SLC2A5: variants seen among roughly 807,000 people sequenced by gnomAD.
The protein encoded by SLC2A5 is solute carrier family 2 member 5, also known as solute carrier family 2, facilitated glucose transporter member 5.
Under a neutral mutation model 50.3 loss-of-function variants are expected in SLC2A5, and 56 were observed. The ratio of observed to expected loss-of-function variants is 1.11; its 90% CI spans 0.90 to 1.39. The LOEUF (loss-of-function observed/expected upper bound fraction) is 1.39, where lower values mean the gene tolerates loss of function less well. Ranked by LOEUF, SLC2A5 falls within the 40% of genes most tolerant of loss-of-function variation. SLC2A5 has a pLI of 0.00. For synonymous variants in SLC2A5, 269 were observed against 281.9 expected (o/e 0.95, Z 0.46); for missense variants, 566 against 650.1 (o/e 0.87, Z 1.41).
intron 2 of SLC2A5, among the ~76,000 whole-genome samples, chr1:9,077,333 A>G (rs945202123): frequency 2.7e-5 from 4 of 146,634 alleles, no homozygotes; most frequent in African/African-American, 1.0e-4. Context: ...TGGGAGGTGG[A>G]GGTTGCAGTG....
At chr1:9,060,329 C>T (rs928142067) in intron 1 of SLC2A5, among the ~76,000 whole-genome samples, 2 of 122,122 alleles carry the variant, frequency 1.6e-5, no homozygotes, top group Admixed American at 9.5e-5. Context: ...ACACTACATA[C>T]ACACAAGCAC....
intron 2 of SLC2A5, among the ~76,000 whole-genome samples, chr1:9,074,710 T>C (rs544097935): frequency 4.2e-4 from 64 of 152,248 alleles, no homozygotes; most frequent in African/African-American, 1.5e-3. Context: ...GAGAAAACGC[T>C]GAAAATTCTG....
At chr1:9,052,918 A>G (rs1005580521) in intron 3 of SLC2A5, among the ~76,000 whole-genome samples, 3 of 150,698 alleles carry the variant, frequency 2.0e-5, no homozygotes, top group Admixed American at 6.7e-5. Flanking sequence ...GTGAGCCACA[A>G]TCGTGCCACT....
At chr1:9,067,068 G>A (rs1642101180) in intron 1 of SLC2A5, among the ~76,000 whole-genome samples, 1 of 152,022 alleles carries the variant, frequency 6.6e-6, no homozygotes, top group South Asian at 2.1e-4. Flanking sequence ...GGGGCAGGCA[G>A]CTGGCTCCAT....
intron 5 of SLC2A5, 159 bp downstream of exon 5, chr1:9,041,626 T>C (rs1237581020): frequency 6.8e-7 from 1 of 1,481,154 alleles, no homozygotes; most frequent in African/African-American, 1.4e-5. Flanking sequence ...GCCTGCTATG[T>C]TGGCTCGGGA....
At chr1:9,091,811 T>C (rs1293281334), upstream of SLC2A5, among the ~76,000 whole-genome samples, 1 of 152,122 alleles carries the variant, frequency 6.6e-6, no homozygotes, top group Non-Finnish European at 1.5e-5. Flanking sequence ...GAGGGTATCA[T>C]GATAATATCC....
At chr1:9,084,731 G>A (rs1199373006) in intron 2 of SLC2A5, among the ~76,000 whole-genome samples, 2 of 152,170 alleles carry the variant, frequency 1.3e-5, no homozygotes, top group Non-Finnish European at 2.9e-5. Context: ...CACACCATGT[G>A]AGCATCGGCC....
the SLC2A5 span, among the ~76,000 whole-genome samples, chr1:9,094,016 G>GGGCC: frequency 1.3e-5 from 2 of 152,138 alleles, no homozygotes; most frequent in Non-Finnish European, 2.9e-5. Context: ...TCCCATTGAA[G>GGGCC]GGCCCATAAC....
chr1:9,058,923 G>A (rs533374390), intron 1 of SLC2A5, among the ~76,000 whole-genome samples: 4 of 152,134 alleles, frequency 2.6e-5, no homozygotes, highest in African/African-American at 9.6e-5. Flanking sequence ...TCTACCTGTT[G>A]CCACTTTTCA....
chr1:9,090,760 C>G (rs941657187), upstream of SLC2A5, among the ~76,000 whole-genome samples: 1 of 152,206 alleles, frequency 6.6e-6, no homozygotes, highest in African/African-American at 2.4e-5. Context: ...CTGTCCTCCC[C>G]CAGGGGTTTA....
chr1:9,041,548 C>T (rs1641301758), intron 5 of SLC2A5: 1 of 1,363,428 alleles, frequency 7.3e-7, no homozygotes, highest in South Asian at 2.1e-5. Context: ...TCAAAGCCAC[C>T]TCATCCATCT....
In SLC2A5 at chr1:9,069,485, C is replaced by G. The variant is rs367750545; in HGVS notation, c.33+19G>C. ...AGCCAAGCCTGCTCTTGGCCCCTTT[C>G]CCTGAGCAACACACTCACCCCTTCC... On this transcript the variant is annotated intron_variant, in intron 1 of 11. Transcript: ENST00000377424. 3.0e-5 allele frequency: 49 copies of G among 1,613,714 alleles called. No individual in the cohort carries two copies. The highest frequency in any genetic ancestry group is 4.1e-5 in the Non-Finnish European group (48 of 1,179,900).
rs144126685 is a variant in SLC2A5 at position 9,057,570 on chromosome 1, C to G, written c.171G>C (p.Arg57Ser). Residue 57 changes from arginine to serine, a missense_variant, in exon 3 of 12, where the codon AGG (arginine) becomes AGC (serine). Transcript: ENST00000377424. ...QQFYNETYYGRTGEFMEDFPL... is the reference protein window; with the variant it reads ...QQFYNETYYGSTGEFMEDFPL... The stretch of plus-strand genomic sequence containing the variant: ...GGAAGTCTTCCATGAATTCACCGGT[C>G]CTACCATAGTAAGTCTCATTGTAAA... 2.2e-5 allele frequency: 36 copies of G among 1,613,612 alleles called. No individual in the cohort carries two copies. In the African/African-American group the frequency reaches 4.3e-4, roughly 19 times the overall value.
rs1372269165 is a variant in SLC2A5 at position 9,040,657 on chromosome 1, G to C, written c.572-468C>G. ...CATTCCACATAGAGGGGACACATGG[G>C]CTGGCTGCATTGGTACTGCAAAGGC... is the stretch of plus-strand genomic sequence containing the variant. On this transcript the variant is annotated intron_variant, in intron 5 of 11. Transcript: ENST00000377424. The surrounding 1 kb of genome is among the most constrained non-coding windows in gnomAD (Gnocchi z 4.3). 6.3e-6 allele frequency: 1 copy of C among 159,728 alleles called. No individual in the cohort carries two copies. Among genetic ancestry groups the C allele is most frequent in the Non-Finnish European group, 1.4e-5 (1 of 72,884 alleles). The allele number at this position is 159,728 out of a possible 1,614,324, so 9.9% of individuals were successfully genotyped here.
At chr1:9,053,269 A>ATATTGTAT (rs1641645057) in intron 3 of SLC2A5, among the ~76,000 whole-genome samples, 1 of 12,624 alleles carries the variant, frequency 7.9e-5, no homozygotes, top group African/African-American at 4.3e-4. Context: ...ATATATTTAT[A>ATATTGTAT]TTATATATTT....
intron 1 of SLC2A5, among the ~76,000 whole-genome samples, chr1:9,086,670 C>T (rs1479684216): frequency 2.6e-5 from 4 of 152,068 alleles, no homozygotes; most frequent in Admixed American, 2.6e-4. Flanking sequence ...GGATTACAGG[C>T]GTCAGCCACT....
chr1:9,073,122 T>G (rs1322772800), upstream of SLC2A5: 1 of 152,194 alleles, frequency 6.6e-6, no homozygotes, highest in Non-Finnish European at 1.5e-5. Flanking sequence ...GACCAGACAA[T>G]GATACCAGGA....
At chr1:9,058,606 C>T (rs559824740) in intron 1 of SLC2A5, among the ~76,000 whole-genome samples, 2 of 152,294 alleles carry the variant, frequency 1.3e-5, no homozygotes, top group South Asian at 4.1e-4. Context: ...ATTTGAGAAC[C>T]ACTGGATCAG....
chr1:9,090,142 A>T (rs1379764774), upstream of SLC2A5, among the ~76,000 whole-genome samples: 4 of 152,082 alleles, frequency 2.6e-5, no homozygotes, highest in Non-Finnish European at 5.9e-5. Context: ...TTAAGAAGGG[A>T]CATTCTACAC....
Sources: allele counts gnomAD v4.1 joint callset (sites outside exome capture counted in the v4.1 genomes callset), GRCh38; gene constraint gnomAD v4.1.1; non-coding constraint Gnocchi (gnomAD v3.1); transcripts MANE v1.5; gene names NCBI Gene and HGNC (gene_info 2026-07-23, HGNC 2026-07-21).